TNFSF4: variants seen among roughly 807,000 people sequenced by gnomAD.
The protein encoded by TNFSF4 is tumor necrosis factor ligand superfamily member 4.
Under a neutral mutation model 7.3 loss-of-function variants are expected in TNFSF4, and 4 were observed. That is an observed-to-expected ratio of 0.55 (90% CI 0.27 to 1.25). TNFSF4 has a LOEUF of 1.25. TNFSF4 is among the 50% of genes most tolerant of loss of function. The pLI is 0.12. For synonymous variants in TNFSF4, 76 were observed against 83.7 expected (o/e 0.91, Z 0.50); for missense variants, 181 against 208.8 (o/e 0.87, Z 0.82).
At chr1:173,346,149 T>C in the TNFSF4 span, among the ~76,000 whole-genome samples, 7 of 152,214 alleles carry the variant, frequency 4.6e-5, no homozygotes. Context: ...TCACCACTGA[T>C]GATTCGCTCA....
At chr1:173,236,416 C>CAAAA in the TNFSF4 span, among the ~76,000 whole-genome samples, 8 of 110,112 alleles carry the variant, frequency 7.3e-5, no homozygotes, top group Non-Finnish European at 1.0e-4. Flanking sequence ...CCAGTTATTT[C>CAAAA]AAAAAAAAAA....
chr1:173,188,903 G>T (rs1169959722), intron 1 of TNFSF4, among the ~76,000 whole-genome samples: 1 of 151,954 alleles, frequency 6.6e-6, no homozygotes, highest in Non-Finnish European at 1.5e-5. Context: ...GGGTTTTTGA[G>T]GGGGTAGAGA....
chr1:173,231,172 T>A, the TNFSF4 span, among the ~76,000 whole-genome samples: 1 of 152,226 alleles, frequency 6.6e-6, no homozygotes, highest in Non-Finnish European at 1.5e-5. Flanking sequence ...ATATCCCTGA[T>A]GAACATCGAT....
the TNFSF4 span, among the ~76,000 whole-genome samples, chr1:173,271,911 C>A: frequency 3.5e-4 from 53 of 152,184 alleles, no homozygotes; most frequent in South Asian, 5.0e-3. Flanking sequence ...ATGTTTATTG[C>A]GGCACTATTC....
chr1:173,269,080 C>T, the TNFSF4 span, among the ~76,000 whole-genome samples: 1 of 152,086 alleles, frequency 6.6e-6, no homozygotes, highest in South Asian at 2.1e-4. Context: ...ATTATGTGCA[C>T]GTGACTTACT....
At chr1:173,210,861 C>T (rs545362832), upstream of TNFSF4, among the ~76,000 whole-genome samples, 16 of 152,256 alleles carry the variant, frequency 1.1e-4, no homozygotes, top group Admixed American at 8.5e-4. Flanking sequence ...TCTCTAAGCC[C>T]TCCATCCTGG....
the TNFSF4 span, among the ~76,000 whole-genome samples, chr1:173,407,939 G>T: frequency 6.6e-6 from 1 of 152,130 alleles, no homozygotes; most frequent in Non-Finnish European, 1.5e-5. Flanking sequence ...CCAGGTATGG[G>T]ACTCATGCCC....
the TNFSF4 span, among the ~76,000 whole-genome samples, chr1:173,238,762 A>G: frequency 1.3e-5 from 2 of 152,138 alleles, no homozygotes. Flanking sequence ...ACAGATGCTC[A>G]TGAGGTAGTA....
chr1:173,333,203 CCTTATT>C, the TNFSF4 span, among the ~76,000 whole-genome samples: 1 of 152,060 alleles, frequency 6.6e-6, no homozygotes, highest in Non-Finnish European at 1.5e-5. Flanking sequence ...TTTTGGCAAG[CCTTATT>C]CTGGGTGTGT....
chr1:173,289,673 ATAAGAG>A, the TNFSF4 span, among the ~76,000 whole-genome samples: 3 of 152,132 alleles, frequency 2.0e-5, no homozygotes, highest in Non-Finnish European at 4.4e-5. Context: ...CATGAACATA[ATAAGAG>A]TAAAATAGAC....
chr1:173,433,017 T>C, the TNFSF4 span, among the ~76,000 whole-genome samples: 1 of 152,238 alleles, frequency 6.6e-6, no homozygotes, highest in Non-Finnish European at 1.5e-5. Flanking sequence ...CATATACATA[T>C]ACATCTTAGC....
At chr1:173,198,704 A>G (rs1649812965) in intron 1 of TNFSF4, among the ~76,000 whole-genome samples, 1 of 152,150 alleles carries the variant, frequency 6.6e-6, no homozygotes, top group African/African-American at 2.4e-5. Context: ...CCCCTATGAC[A>G]CACAGTTTAC....
the TNFSF4 span, among the ~76,000 whole-genome samples, chr1:173,443,715 TG>T: frequency 6.6e-6 from 1 of 152,184 alleles, no homozygotes; most frequent in Non-Finnish European, 1.5e-5. Context: ...ACTTGCTCAT[TG>T]TTTTTCCTTC....
chr1:173,439,212 C>G, the TNFSF4 span, among the ~76,000 whole-genome samples: 6 of 152,178 alleles, frequency 3.9e-5, no homozygotes, highest in African/African-American at 1.2e-4. Flanking sequence ...GAGCTTCTTT[C>G]CTAATCAACC....
At chr1:173,422,046 G>A in the TNFSF4 span, among the ~76,000 whole-genome samples, 50 of 152,062 alleles carry the variant, frequency 3.3e-4, no homozygotes, top group African/African-American at 1.0e-3. Flanking sequence ...ACAGCTATAC[G>A]AGAACACCTC....
the TNFSF4 span, among the ~76,000 whole-genome samples, chr1:173,243,014 G>T: frequency 1.7e-4 from 18 of 108,082 alleles, 1 homozygote; most frequent in African/African-American, 3.4e-4. Flanking sequence ...TGGGGGGGGG[G>T]GGGGAGCACA....
At chr1:173,344,968 T>C in the TNFSF4 span, among the ~76,000 whole-genome samples, 192 of 152,340 alleles carry the variant, frequency 1.3e-3, 1 homozygote, top group East Asian at 0.027. Context: ...TTCCCTGTTA[T>C]ATCTGCAAGT....
intron 1 of TNFSF4, among the ~76,000 whole-genome samples, chr1:173,203,642 G>A (rs1411664307): frequency 1.3e-5 from 2 of 151,916 alleles, no homozygotes; most frequent in Non-Finnish European, 2.9e-5. Flanking sequence ...TACAGAACTG[G>A]TCAACTCACT....
the TNFSF4 span, among the ~76,000 whole-genome samples, chr1:173,291,189 C>G: frequency 6.6e-6 from 1 of 152,114 alleles, no homozygotes; most frequent in Non-Finnish European, 1.5e-5. Context: ...GAGCACCTTA[C>G]GTGGTAAAAG....
Sources: allele counts gnomAD v4.1 joint callset (sites outside exome capture counted in the v4.1 genomes callset), GRCh38; gene constraint gnomAD v4.1.1; transcripts MANE v1.5; gene names NCBI Gene and HGNC (gene_info 2026-07-23, HGNC 2026-07-21).